ADGRG6: variants seen among roughly 807,000 people sequenced by gnomAD.
ADGRG6 encodes the protein G-protein coupled receptor 126.
A neutral mutation model predicts 142.4 loss-of-function variants in ADGRG6; 84 were observed. That is an observed-to-expected ratio of 0.59 (90% CI 0.49 to 0.71). The LOEUF is 0.71. Ranked by LOEUF, ADGRG6 falls within the 30% of genes least tolerant of loss-of-function variation. ADGRG6 has a pLI of 0.00. For missense variants in ADGRG6, 1,367 were observed against 1,466.6 expected, an observed-to-expected ratio of 0.93 and a Z score of 1.11; for synonymous variants, 521 against 520.5, an observed-to-expected ratio of 1.00 and a Z score of -0.01.
Position 142,400,527 on chromosome 6 carries a change from C to T in ADGRG6, c.1610C>T (p.Pro537Leu), listed in dbSNP as rs937112675. The T allele has an allele frequency of 2.5e-6, 4 of 1,604,312 alleles. No homozygotes were observed. The highest frequency in any genetic ancestry group is 3.4e-6 in the Non-Finnish European group (4 of 1,171,656). Residue 537 changes from proline to leucine, a missense_variant, in exon 11 of 25, where the codon CCA becomes CTA. Physicochemically the swap from Pro to Leu is moderately conservative, Grantham distance 98. Around this residue, in one of 3 missense-constraint regions of ADGRG6, gnomAD observed 737 missense variants for 746.5 expected, o/e 0.99. Transcript: ENST00000367609. The stretch of plus-strand genomic sequence containing the variant: ...GAGGAACCCAAAGGCTACTACTGGC[C>T]ATCTATCCAACCTTCTGAATACGTT... ...AMEEPKGYYW[P>L]SIQPSEYVLP... is the part of the protein sequence containing the mutation.
chr6:142,417,406 C>CTT (rs1474667601), intron 21 of ADGRG6, 37 bp downstream of exon 21: 1 of 868,260 alleles, frequency 1.2e-6, no homozygotes, highest in Admixed American at 2.1e-5. Flanking sequence ...AGTAGATATC[C>CTT]TTTGTTTCCT....
chr6:142,354,757 C>T (rs1197331127), intron 2 of ADGRG6, among the ~76,000 whole-genome samples: 2 of 152,176 alleles, frequency 1.3e-5, no homozygotes, highest in Non-Finnish European at 1.5e-5. Context: ...TATATGTAAA[C>T]TATTAACATT....
chr6:142,327,381 A>G (rs1410489789), intron 2 of ADGRG6, among the ~76,000 whole-genome samples: 4 of 152,216 alleles, frequency 2.6e-5, no homozygotes, highest in African/African-American at 4.8e-5. Context: ...TTCACCGTCT[A>G]TATTAGGAAA....
intron 7 of ADGRG6, among the ~76,000 whole-genome samples, chr6:142,392,329 C>G (rs1774935214): frequency 6.6e-6 from 1 of 151,834 alleles, no homozygotes. Context: ...GAATCCATTG[C>G]TTCATTAAAA....
At chr6:142,428,015 C>A (rs1015759724) in intron 22 of ADGRG6, among the ~76,000 whole-genome samples, 1 of 152,036 alleles carries the variant, frequency 6.6e-6, no homozygotes, top group Non-Finnish European at 1.5e-5. Context: ...ACATATACAT[C>A]CAAGGAATGA....
chr6:142,437,677 G>A (rs186755639), intron 23 of ADGRG6, 142 bp downstream of exon 23: 86 of 602,650 alleles, frequency 1.4e-4, no homozygotes, highest in African/African-American at 1.4e-3. Flanking sequence ...TGGAATCATA[G>A]AATATCAGGG....
intron 2 of ADGRG6, among the ~76,000 whole-genome samples, chr6:142,314,837 T>C (rs1029002359): frequency 6.6e-6 from 1 of 152,098 alleles, no homozygotes; most frequent in Non-Finnish European, 1.5e-5. Flanking sequence ...TCTTAGTAAT[T>C]AATTGTCCAA....
intron 17 of ADGRG6, 41 bp from the exon 18 acceptor site, chr6:142,411,264 T>C (rs772311403): frequency 1.9e-6 from 2 of 1,070,270 alleles, no homozygotes; most frequent in African/African-American, 1.5e-5. Flanking sequence ...GAGAAGAAAC[T>C]GACCTGCTGT....
intron 2 of ADGRG6, among the ~76,000 whole-genome samples, chr6:142,338,270 A>T (rs1019275553): frequency 6.6e-6 from 1 of 150,710 alleles, no homozygotes; most frequent in Non-Finnish European, 1.5e-5. Context: ...GGCCTCCCAA[A>T]GTGCTGGGAT....
chr6:142,432,106 G>A (rs1562391601), intron 22 of ADGRG6, among the ~76,000 whole-genome samples: 2 of 151,886 alleles, frequency 1.3e-5, no homozygotes, highest in Non-Finnish European at 2.9e-5. Context: ...AGAGGTAATA[G>A]CCATGTTTTC....
intron 4 of ADGRG6, among the ~76,000 whole-genome samples, chr6:142,372,960 G>A (rs1781325385): frequency 6.6e-6 from 1 of 152,156 alleles, no homozygotes; most frequent in South Asian, 2.1e-4. Context: ...GTTAATAATT[G>A]CTAATACTTA....
intron 2 of ADGRG6, among the ~76,000 whole-genome samples, chr6:142,320,055 G>C (rs911563748): frequency 2.0e-5 from 3 of 151,968 alleles, no homozygotes; most frequent in Non-Finnish European, 4.4e-5. Context: ...AATTAGATTT[G>C]AAATCTAATA....
chr6:142,399,403 C>G (rs1775382748), intron 10 of ADGRG6, among the ~76,000 whole-genome samples: 1 of 152,114 alleles, frequency 6.6e-6, no homozygotes, highest in Non-Finnish European at 1.5e-5. Context: ...GAAAATACTT[C>G]TTAACAAATG....
intron 4 of ADGRG6, among the ~76,000 whole-genome samples, chr6:142,376,031 C>T (rs1411155158): frequency 1.3e-5 from 2 of 152,048 alleles, no homozygotes; most frequent in African/African-American, 4.8e-5. Context: ...TTAAACCTGT[C>T]AATACTTTTA....
chr6:142,374,158 G>A (rs1038251265), intron 4 of ADGRG6, among the ~76,000 whole-genome samples: 1 of 151,994 alleles, frequency 6.6e-6, no homozygotes, highest in Admixed American at 6.6e-5. Context: ...TAGCCCTTTA[G>A]GAGAACATTT....
At chr6:142,318,323 ATT>A (rs2114589443) in intron 2 of ADGRG6, among the ~76,000 whole-genome samples, 2 of 93,016 alleles carry the variant, frequency 2.2e-5, no homozygotes, top group South Asian at 5.2e-4. Flanking sequence ...ATATTTATAT[ATT>A]ATATATATTT....
intron 2 of ADGRG6, among the ~76,000 whole-genome samples, chr6:142,361,940 G>A (rs905105382): frequency 3.9e-5 from 6 of 152,078 alleles, no homozygotes; most frequent in African/African-American, 1.2e-4. Context: ...TGCAAGTGAT[G>A]TATATCTACA....
chr6:142,388,464 C>A (rs9403384), intron 6 of ADGRG6, among the ~76,000 whole-genome samples: 13,081 of 152,024 alleles, frequency 0.086, 650 homozygotes, highest in East Asian at 0.25. Context: ...GATGCTCCTC[C>A]ACTTACGGTA....
At chr6:142,438,410 T>G in intron 24 of ADGRG6, 46 bp downstream of exon 24, 1 of 1,325,270 alleles carries the variant, frequency 7.5e-7, no homozygotes, top group South Asian at 1.5e-5. Context: ...CACATTTTCA[T>G]TGCAAAAATT....
Sources: allele counts gnomAD v4.1 joint callset (sites outside exome capture counted in the v4.1 genomes callset), GRCh38; gene constraint gnomAD v4.1.1; regional missense constraint gnomAD v4.1.1; transcripts MANE v1.5; gene names NCBI Gene and HGNC (gene_info 2026-07-23, HGNC 2026-07-21).